TANC1: variants seen among roughly 807,000 people sequenced by gnomAD.
TANC1 encodes tetratricopeptide repeat, ankyrin repeat and coiled-coil containing 1.
Under a neutral mutation model 149.7 loss-of-function variants are expected in TANC1, and 77 were observed. That is an observed-to-expected ratio of 0.51 (90% confidence interval 0.43 to 0.62). TANC1 has a LOEUF of 0.62. Ranked by LOEUF, TANC1 falls within the 20% of genes least tolerant of loss-of-function variation. The probability of loss-of-function intolerance (pLI) is 0.00; values close to 1 mark genes in which losing one functional copy is unlikely to be tolerated. For missense variants in TANC1, 1,985 were observed against 2,321.8 expected (o/e 0.85, Z 2.98); for synonymous variants, 854 against 925.0 (o/e 0.92, Z 1.39).
intron 23 of TANC1, chr2:159,224,594 G>T (rs1481272186): frequency 7.8e-6 from 4 of 510,876 alleles, no homozygotes; most frequent in African/African-American, 7.6e-5. Context: ...GGACAGTCTG[G>T]AGTGGTATCA....
At position 159,174,864 on chromosome 2, in the gene TANC1, G is replaced by A. The variant is rs372467384; in HGVS notation, c.1504-89G>A. 2.9e-5 allele frequency: 28 copies of A among 978,014 alleles called. 1 individual carries two copies. Among genetic ancestry groups the A allele is most frequent in the South Asian group, 8.1e-5 (6 of 74,502 alleles). The allele number at this position is 978,014 out of a possible 1,614,324, so 60.6% of individuals were successfully genotyped here. ...AGATGCTATGTATCTTGTTACCAGC[G>A]AATGGGCAGAGTTGTGTTCCTGTTT... On this transcript the variant is annotated intron_variant, in intron 11 of 26. Transcript: ENST00000263635.
chr2:159,092,313 C>T (rs900044829), intron 3 of TANC1, among the ~76,000 whole-genome samples: 13 of 152,112 alleles, frequency 8.5e-5, no homozygotes, highest in African/African-American at 2.2e-4. Flanking sequence ...TCCTTGCCTT[C>T]GTTGCCCTCA....
intron 1 of TANC1, among the ~76,000 whole-genome samples, chr2:158,996,254 T>G (rs1320928930): frequency 6.6e-6 from 1 of 152,074 alleles, no homozygotes; most frequent in Admixed American, 6.6e-5. Flanking sequence ...CAGCCACTCG[T>G]GAGGCTGAGG....
intron 4 of TANC1, among the ~76,000 whole-genome samples, chr2:159,109,729 C>T (rs187141869): frequency 7.2e-5 from 11 of 152,324 alleles, no homozygotes; most frequent in East Asian, 1.9e-4. Context: ...GTGCTGCACA[C>T]GCTACCCTCC....
Position 159,148,384 on chromosome 2 carries a change from CT to C in TANC1, c.365-756del, listed in dbSNP as rs1210356059. The stretch of plus-strand genomic sequence containing the variant: ...AAATCAAATCCAACCATAAAATTCT[CT>C]TAAGTACAAAAAAACCAGATGACCA... On this transcript the variant is annotated intron_variant, in intron 5 of 26. Coordinates refer to ENST00000263635, the MANE Select transcript of TANC1 (RefSeq NM_033394.3). 2.0e-5 allele frequency: 3 copies of C among 152,326 alleles called. No homozygotes were observed. The East Asian group carries it at 5.8e-4, about 29-fold the overall frequency. The allele number at this position is 152,326 out of a possible 1,614,324, so 9.4% of individuals were successfully genotyped here. A position where few individuals can be genotyped will look rare whatever the true frequency, so the allele number is the denominator to read the frequency against.
At chr2:159,200,576 C>A (rs1170112606) in intron 19 of TANC1, among the ~76,000 whole-genome samples, 1 of 152,198 alleles carries the variant, frequency 6.6e-6, no homozygotes, top group South Asian at 2.1e-4. Context: ...TTTGAGCTCT[C>A]TTCTCTCAAT....
At chr2:159,179,687 C>G (rs1191027501) in intron 14 of TANC1, among the ~76,000 whole-genome samples, 1 of 152,166 alleles carries the variant, frequency 6.6e-6, no homozygotes. Context: ...AATCTAGCCT[C>G]CCCGCTCCAC....
chr2:159,112,956 A>T (rs1252062041), intron 4 of TANC1, among the ~76,000 whole-genome samples: 4 of 151,522 alleles, frequency 2.6e-5, no homozygotes, highest in Admixed American at 6.6e-5. Flanking sequence ...TTTTAAAAAA[A>T]TTTTTTTGAG....
At chr2:158,993,483 C>G (rs1224696721) in intron 1 of TANC1, among the ~76,000 whole-genome samples, 1 of 152,070 alleles carries the variant, frequency 6.6e-6, no homozygotes, top group Non-Finnish European at 1.5e-5. Flanking sequence ...AACTTGTGTG[C>G]TCAAGTGATC....
Position 159,230,898 on chromosome 2 carries a change from T to C in TANC1, c.5472T>C (p.Ser1824=). 1 of 1,614,206 alleles carries C rather than the reference T, an allele frequency of 6.2e-7. No homozygotes were observed. The highest frequency in any genetic ancestry group is 8.5e-7 in the Non-Finnish European group (1 of 1,180,026). Residue 1824 remains serine, a synonymous_variant, in exon 27 of 27, where the codon TCT becomes TCC. Coordinates refer to ENST00000263635, the MANE Select transcript of TANC1 (RefSeq NM_033394.3). The surrounding 1 kb of genome is among the most constrained non-coding windows in gnomAD (Gnocchi z 4.4). ...SQENRITKTV[S]HLYQESISKQ... is the part of the protein sequence containing the mutation. Reference sequence around the variant, plus strand: ...AGAACAGGATAACTAAGACTGTTTCTCATCTGTACCAGGAAAGTATCTCCA... The same window carrying C: ...AGAACAGGATAACTAAGACTGTTTCCCATCTGTACCAGGAAAGTATCTCCA...
At position 159,194,407 on chromosome 2, in the gene TANC1, T is replaced by A; in HGVS notation, c.2893T>A (p.Ser965Thr). The A allele has an allele frequency of 6.2e-7, 1 of 1,614,260 alleles. No individual in the cohort carries two copies. Among genetic ancestry groups the A allele is most frequent in the Non-Finnish European group, 8.5e-7 (1 of 1,180,056 alleles). The change falls in exon 17 of 27, where the codon TCA (serine) becomes ACA (threonine). Residue 965 changes from serine (S) to threonine (T), a missense_variant. Around this residue, in one of 3 missense-constraint regions of TANC1, gnomAD observed 508 missense variants for 714.2 expected, o/e 0.71. Transcript: ENST00000263635. Reference protein sequence around the residue: ...LEFGACLDGTSENGMTALCYA... With the variant: ...LEFGACLDGTTENGMTALCYA... The stretch of plus-strand genomic sequence containing the variant: ...ATTTGGTGCCTGCCTGGACGGAACG[T>A]CAGAGAACGGCATGACTGCCCTCTG...
In TANC1 at chr2:159,065,892, T is replaced by G. The variant is rs535774702; in HGVS notation, c.-15-4T>G. The G allele has an allele frequency of 2.3e-5, 37 of 1,611,382 alleles. No individual in the cohort carries two copies. In the African/African-American group the frequency reaches 3.1e-4, roughly 13 times the overall value. ...CCTCTTCTCTCTGTTTCTTTTCTCC[T>G]TAGAAACAAGTGTTGAAAATGTTAA... On this transcript the variant is annotated splice_polypyrimidine_tract_variant and splice_region_variant and intron_variant, in intron 2 of 26. Coordinates refer to ENST00000263635, the MANE Select transcript of TANC1 (RefSeq NM_033394.3).
intron 3 of TANC1, among the ~76,000 whole-genome samples, chr2:159,068,897 G>A (rs1215254849): frequency 1.3e-5 from 2 of 152,046 alleles, no homozygotes; most frequent in South Asian, 2.1e-4. Flanking sequence ...GTGCCACCAC[G>A]CCTGGCTAAT....
intron 2 of TANC1, among the ~76,000 whole-genome samples, chr2:159,030,088 G>A (rs988358335): frequency 4.6e-5 from 7 of 152,114 alleles, no homozygotes; most frequent in African/African-American, 9.7e-5. Context: ...GTCACTCACA[G>A]CAGCTGTGTC....
Position 159,213,982 on chromosome 2 carries a change from C to T in TANC1, c.3245-3515C>T, listed in dbSNP as rs371536361. Among the ~76,000 whole-genome samples the T allele has an allele frequency of 1.3e-4, 19 of 151,940 alleles. No individual in the cohort carries two copies. The East Asian group carries it at 2.5e-3, about 20-fold the overall frequency. ...CTCTACTAAAAATATAAAAATCAGC[C>T]GGGCTTGGGGGCTCGTGCCTGTAAT... On this transcript the variant is annotated intron_variant, in intron 19 of 26. Coordinates refer to ENST00000263635, the MANE Select transcript of TANC1 (RefSeq NM_033394.3).
chr2:159,075,405 AAAAAAAAAAAC>A (rs1293499036), intron 3 of TANC1, among the ~76,000 whole-genome samples: 2 of 116,946 alleles, frequency 1.7e-5, no homozygotes, highest in Admixed American at 8.3e-5. Context: ...TTGTCTATTA[AAAAAAAAAAAC>A]AAAAAAAAAA....
intron 19 of TANC1, among the ~76,000 whole-genome samples, chr2:159,208,844 C>T (rs1322866410): frequency 6.6e-6 from 1 of 152,214 alleles, no homozygotes; most frequent in African/African-American, 2.4e-5. Context: ...CGTGAAAATC[C>T]TCCAGTGTAC....
intron 3 of TANC1, among the ~76,000 whole-genome samples, chr2:159,069,226 CCA>C (rs2042932515): frequency 6.6e-6 from 1 of 152,134 alleles, no homozygotes; most frequent in Admixed American, 6.6e-5. Flanking sequence ...TAAAACTTTA[CCA>C]TGTTTTTTTA....
chr2:159,072,594 G>A (rs933186655), intron 3 of TANC1, among the ~76,000 whole-genome samples: 1 of 152,030 alleles, frequency 6.6e-6, no homozygotes, highest in African/African-American at 2.4e-5. Context: ...TCTTTCTTGA[G>A]AAAACTGTGT....
Sources: allele counts gnomAD v4.1 joint callset (sites outside exome capture counted in the v4.1 genomes callset), GRCh38; gene constraint gnomAD v4.1.1; regional missense constraint gnomAD v4.1.1; non-coding constraint Gnocchi (gnomAD v3.1); transcripts MANE v1.5; gene names NCBI Gene and HGNC (gene_info 2026-07-23, HGNC 2026-07-21).